Variants in SYN3 observed in about 807,000 individuals in gnomAD.
SYN3 encodes the protein synapsin-3.
In SYN3, 35 loss-of-function variants were observed where a neutral mutation model predicts 65.8. That is an observed-to-expected ratio of 0.53 (90% CI 0.41 to 0.70). The LOEUF is 0.70. SYN3 is among the 30% of genes least tolerant of loss of function. SYN3 has a pLI of 0.00. For missense variants in SYN3, 680 were observed against 749.0 expected (o/e 0.91, Z 1.08); for synonymous variants, 270 against 292.9 (o/e 0.92, Z 0.80).
At chr22:32,817,223 A>G (rs1601434842) in intron 6 of SYN3, among the ~76,000 whole-genome samples, 1 of 152,106 alleles carries the variant, frequency 6.6e-6, no homozygotes, top group Non-Finnish European at 1.5e-5. Context: ...ATCTCAAAAA[A>G]AAAAAAATGT....
At chr22:32,545,989 G>A (rs959901678) in intron 7 of SYN3, among the ~76,000 whole-genome samples, 3 of 152,146 alleles carry the variant, frequency 2.0e-5, no homozygotes, top group Admixed American at 2.0e-4. Flanking sequence ...GAGTGCAGTT[G>A]TGCAATCATG....
intron 6 of SYN3, among the ~76,000 whole-genome samples, chr22:32,664,292 C>T (rs1010556168): frequency 2.0e-5 from 3 of 152,224 alleles, no homozygotes; most frequent in Non-Finnish European, 4.4e-5. Flanking sequence ...CCAATCAGTA[C>T]TTGGCTGATG....
chr22:32,902,871 C>CCAAAAAAAAA (rs2049799935), intron 4 of SYN3, among the ~76,000 whole-genome samples: 1 of 127,524 alleles, frequency 7.8e-6, no homozygotes. Flanking sequence ...CCCCTGGAGA[C>CCAAAAAAAAA]AAAAAAAAAA....
intron 6 of SYN3, among the ~76,000 whole-genome samples, chr22:32,645,929 C>T (rs2059977819): frequency 6.6e-6 from 1 of 151,904 alleles, no homozygotes; most frequent in Non-Finnish European, 1.5e-5. Flanking sequence ...GGAGCTGTAC[C>T]CCACTTCTGG....
intron 6 of SYN3, among the ~76,000 whole-genome samples, chr22:32,631,309 CA>C (rs10606436): frequency 0.63 from 84,709 of 133,736 alleles, 26,100 homozygotes; most frequent in Non-Finnish European, 0.69. Flanking sequence ...ACGAAACAAG[CA>C]AAAAAAAAAA....
At chr22:33,023,443 C>T (rs1169912275) in intron 1 of SYN3, among the ~76,000 whole-genome samples, 1 of 152,200 alleles carries the variant, frequency 6.6e-6, no homozygotes, top group Admixed American at 6.5e-5. Context: ...TGAGGCCTCC[C>T]CAGCCATGTG....
chr22:32,636,248 A>C (rs1601809884), intron 6 of SYN3, among the ~76,000 whole-genome samples: 1 of 150,678 alleles, frequency 6.6e-6, no homozygotes, highest in East Asian at 2.0e-4. Flanking sequence ...AACAACACAA[A>C]AAAATCAGCC....
At chr22:32,912,241 G>C (rs1185153299) in intron 4 of SYN3, among the ~76,000 whole-genome samples, 3 of 152,162 alleles carry the variant, frequency 2.0e-5, no homozygotes, top group Non-Finnish European at 2.9e-5. Context: ...TGGTTTCTCT[G>C]AGGAGTGACA....
chr22:32,755,634 C>G (rs2045266847), intron 6 of SYN3, among the ~76,000 whole-genome samples: 1 of 152,146 alleles, frequency 6.6e-6, no homozygotes, highest in African/African-American at 2.4e-5. Flanking sequence ...TACTGCAAAT[C>G]CCATAAGCAG....
chr22:32,565,442 C>T (rs1250561896), intron 7 of SYN3, among the ~76,000 whole-genome samples: 5 of 151,488 alleles, frequency 3.3e-5, no homozygotes, highest in Non-Finnish European at 7.4e-5. Flanking sequence ...TATATATACA[C>T]ACACATATAC....
chr22:32,611,337 A>T (rs558096116), intron 6 of SYN3, among the ~76,000 whole-genome samples: 2 of 122,520 alleles, frequency 1.6e-5, no homozygotes, highest in African/African-American at 6.4e-5. Flanking sequence ...CCTGTTGCCC[A>T]GGCTGGAGTG....
chr22:32,859,382 C>T (rs2048472182), intron 6 of SYN3: 1 of 1,606,744 alleles, frequency 6.2e-7, no homozygotes, highest in Non-Finnish European at 8.5e-7. Context: ...CCCTGAGCGC[C>T]AGACCCTGCC....
At chr22:32,735,766 G>A (rs1399058350) in intron 6 of SYN3, among the ~76,000 whole-genome samples, 1 of 152,202 alleles carries the variant, frequency 6.6e-6, no homozygotes, top group Non-Finnish European at 1.5e-5. Flanking sequence ...GGAGGCTGGT[G>A]ACATTTTCAT....
chr22:32,825,657 CAAAAAAAAAAAAAAAAAAAAAAAAAAAA>C (rs130292), intron 6 of SYN3, among the ~76,000 whole-genome samples: 92 of 28,562 alleles, frequency 3.2e-3, no homozygotes, highest in Non-Finnish European at 8.0e-4. Flanking sequence ...GTTTCCATCT[CAAAAAAAAAAAAAAAAAAAAAAAAAAAA>C]AAAAAAAAAA....
chr22:32,613,097 C>A (rs1354303788), intron 6 of SYN3, among the ~76,000 whole-genome samples: 2 of 152,038 alleles, frequency 1.3e-5, no homozygotes, highest in Non-Finnish European at 2.9e-5. Flanking sequence ...CCTTCACCCT[C>A]CTACCATGAT....
At chr22:32,779,445 G>A (rs746185751) in intron 6 of SYN3, among the ~76,000 whole-genome samples, 13 of 152,066 alleles carry the variant, frequency 8.5e-5, no homozygotes, top group Non-Finnish European at 1.8e-4. Flanking sequence ...GGGCAACAGC[G>A]TGAGATTCTG....
intron 6 of SYN3, among the ~76,000 whole-genome samples, chr22:32,626,112 G>C (rs2059662659): frequency 6.6e-6 from 1 of 152,158 alleles, no homozygotes. Context: ...AGGGAGGAAA[G>C]GGTGTTCCCA....
chr22:32,692,420 G>T (rs796440912), intron 6 of SYN3, among the ~76,000 whole-genome samples: 244 of 152,278 alleles, frequency 1.6e-3, no homozygotes, highest in African/African-American at 4.5e-3. Context: ...ACCCAGAAAT[G>T]ACCTTTGCTT....
chr22:32,901,020 G>A (rs2049744909), intron 4 of SYN3, among the ~76,000 whole-genome samples: 1 of 152,222 alleles, frequency 6.6e-6, no homozygotes, highest in South Asian at 2.1e-4. Flanking sequence ...ATGAGTGTTA[G>A]GATATGGAGA....
Sources: allele counts gnomAD v4.1 joint callset (sites outside exome capture counted in the v4.1 genomes callset), GRCh38; gene constraint gnomAD v4.1.1; transcripts MANE v1.5; gene names NCBI Gene and HGNC (gene_info 2026-07-23, HGNC 2026-07-21).